Variants in MMS19 observed in about 807,000 individuals in gnomAD.
MMS19 encodes the protein MMS19 cytosolic iron-sulfur assembly component.
MMS19 carries 77 observed loss-of-function variants against 129.8 expected under a neutral mutation model. That is an observed-to-expected ratio of 0.59 (90% CI 0.49 to 0.72). The LOEUF (loss-of-function observed/expected upper bound fraction) is 0.72, where lower values mean the gene tolerates loss of function less well. Among genes scored for constraint, MMS19 ranks in the 30% least tolerant of loss-of-function variants. The pLI, the probability that MMS19 is intolerant of heterozygous loss-of-function variation, is 0.00. For synonymous variants in MMS19, 491 were observed against 502.8 expected (o/e 0.98, Z 0.31); for missense variants, 1,168 against 1,266.3 (o/e 0.92, Z 1.18).
At chr10:97,470,710 T>C in intron 9 of MMS19, 65 bp downstream of exon 9, 1 of 1,024,504 alleles carries the variant, frequency 9.8e-7, no homozygotes. Flanking sequence ...TCCATGCTTT[T>C]ACTGCTCTTT....
At chr10:97,483,413 A>T (rs2037252281) in intron 2 of MMS19, among the ~76,000 whole-genome samples, 1 of 152,178 alleles carries the variant, frequency 6.6e-6, no homozygotes, top group Admixed American at 6.5e-5. Context: ...AGAAAGGTCA[A>T]ATAGTCTGTT....
chr10:97,458,754 T>C, intron 30 of MMS19, 35 bp from the exon 31 acceptor site: 1 of 1,613,188 alleles, frequency 6.2e-7, no homozygotes, highest in Non-Finnish European at 8.5e-7. Context: ...GCATTAGTGA[T>C]GAGGCTCATC....
upstream of MMS19, chr10:97,498,675 G>A (rs2040255459): frequency 6.6e-6 from 3 of 453,706 alleles, no homozygotes; most frequent in Non-Finnish European, 1.2e-5. Context: ...CTGGCTGGGT[G>A]GGGAGAGGGG....
rs1373860645 is a variant in MMS19 at position 97,477,397 on chromosome 10, C to T, written c.443G>A (p.Arg148Gln). Residue 148 changes from arginine to glutamine, a missense_variant, in exon 6 of 31, where the codon CGA becomes CAA. By Grantham distance (43) the Arg-to-Gln change is conservative. Transcript: ENST00000438925. ...GGTGATGATATTGTAGACTGTGTGTCGGTCCACCTGTGGCAGGGACTTGGG... is the reference window on the plus strand; with the variant it reads ...GGTGATGATATTGTAGACTGTGTGTTGGTCCACCTGTGGCAGGGACTTGGG... ...VHVQSLPQVD[R>Q]HTVYNIITNF... is the part of the protein sequence containing the mutation. The T allele has an allele frequency of 4.3e-6, 7 of 1,613,822 alleles. No individual in the cohort carries two copies. The highest frequency in any genetic ancestry group is 2.2e-5 in the East Asian group (1 of 44,888).
Position 97,481,048 on chromosome 10 carries a change from G to C in MMS19, c.162-6C>G. The C allele has an allele frequency of 6.5e-7, 1 of 1,539,490 alleles. No homozygotes were observed. Among genetic ancestry groups the C allele is most frequent in the Non-Finnish European group, 8.9e-7 (1 of 1,117,762 alleles). ...CTGGATTCTCTAGAGAGGACCTAGG[G>C]GAAAACAGGATAGAGAGAACCTGCA... On this transcript the variant is annotated splice_region_variant and splice_polypyrimidine_tract_variant and intron_variant, in intron 2 of 30. Coordinates refer to ENST00000438925, the MANE Select transcript of MMS19 (RefSeq NM_022362.5).
chr10:97,465,679 A>ATTTTTTTTT, intron 18 of MMS19, 126 bp downstream of exon 18: 1 of 860,420 alleles, frequency 1.2e-6, no homozygotes, highest in Non-Finnish European at 1.7e-6. Flanking sequence ...AGGCATCAGT[A>ATTTTTTTTT]TTTTTTTTTT....
chr10:97,481,538 C>G (rs1364443260), intron 2 of MMS19, among the ~76,000 whole-genome samples: 1 of 151,916 alleles, frequency 6.6e-6, no homozygotes, highest in Non-Finnish European at 1.5e-5. Context: ...TAAAAGAAAA[C>G]ATGAAAAACC....
Position 97,461,997 on chromosome 10 carries a change from G to T in MMS19, c.2115+20C>A, listed in dbSNP as rs1564621475. On this transcript the variant is annotated intron_variant, in intron 21 of 30. Coordinates refer to ENST00000438925, the MANE Select transcript of MMS19 (RefSeq NM_022362.5). The stretch of plus-strand genomic sequence containing the variant: ...CTAAAAAAAAACCAGCTTGAAGGAT[G>T]TAAGTTCTAAGACTGTTACCTGGAA... The T allele has an allele frequency of 1.3e-6, 2 of 1,575,140 alleles. No individual in the cohort carries two copies. Among genetic ancestry groups the T allele is most frequent in the Non-Finnish European group, 1.7e-6 (2 of 1,159,584 alleles).
rs374924731 is a variant in MMS19 at position 97,458,650 on chromosome 10, C to T, written c.*42G>A. 18 of 1,573,432 alleles carry T rather than the reference C, an allele frequency of 1.1e-5. 1 individual carries two copies. The African/African-American group carries it at 1.8e-4, about 15-fold the overall frequency. On this transcript the variant is annotated 3_prime_UTR_variant, in exon 31 of 31. Transcript: ENST00000438925. ...GAAGATGGCTCAACAGTTAGTAATC[C>T]CAGGTTAGATTGTCAGAACAGTCTA...
chr10:97,486,678 C>T (rs1048295428), intron 1 of MMS19, among the ~76,000 whole-genome samples: 2 of 151,548 alleles, frequency 1.3e-5, no homozygotes, highest in Non-Finnish European at 2.9e-5. Context: ...TTGGTAAAAG[C>T]GTTTTTTAAA....
Position 97,466,053 on chromosome 10 carries a change from A to G in MMS19, c.1606+6T>C, listed in dbSNP as rs2033410727. On this transcript the variant is annotated splice_donor_region_variant and intron_variant, in intron 17 of 30. Coordinates refer to ENST00000438925, the MANE Select transcript of MMS19 (RefSeq NM_022362.5). ...GGATGGGCCACAGAGGATTAGAGAC[A>G]CATACCTACACGCAGCTCCTCAGCG... 1 of 1,613,716 alleles carries G rather than the reference A, an allele frequency of 6.2e-7. No homozygotes were observed. The highest frequency in any genetic ancestry group is 8.5e-7 in the Non-Finnish European group (1 of 1,179,690).
upstream of MMS19, chr10:97,498,748 C>T: frequency 3.4e-6 from 1 of 297,994 alleles, no homozygotes; most frequent in Non-Finnish European, 6.3e-6. Context: ...GCGGTGCTGT[C>T]GGTCACATGC....
At chr10:97,478,247 G>A (rs761549210) in intron 4 of MMS19, 57 bp downstream of exon 4, 11 of 1,382,640 alleles carry the variant, frequency 8.0e-6, no homozygotes, top group Admixed American at 3.9e-5. Context: ...CGCAAGGAGA[G>A]AACTAGACAA....
In MMS19 at chr10:97,480,981, C is replaced by A. The variant is rs900846217; in HGVS notation, c.223G>T (p.Val75Leu). 2.5e-6 allele frequency: 4 copies of A among 1,610,196 alleles called. No homozygotes were observed. The highest frequency in any genetic ancestry group is 1.7e-5 in the Admixed American group (1 of 59,576). The part of the protein sequence containing the change: ...RARAIQLLSQ[V>L]LLHCHTLLLE... The stretch of plus-strand genomic sequence containing the variant: ...AGCAAGGTGTGACAGTGGAGTAGCA[C>A]CTGTGACAAAAGCTGGATTGCTCGT... The change falls in exon 3 of 31, where the codon GTG becomes TTG. Residue 75 changes from valine (V) to leucine (L), a missense_variant. Transcript: ENST00000438925.
At chr10:97,471,421 A>G (rs927947524) in intron 8 of MMS19, among the ~76,000 whole-genome samples, 6 of 152,172 alleles carry the variant, frequency 3.9e-5, no homozygotes, top group African/African-American at 1.4e-4. Context: ...TTTCTGTACC[A>G]AGACGACAGA....
intron 20 of MMS19, 97 bp downstream of exon 20, chr10:97,462,486 A>G: frequency 1.2e-6 from 1 of 819,184 alleles, no homozygotes; most frequent in Non-Finnish European, 2.1e-6. Flanking sequence ...ATTTACATAT[A>G]GGTAAAAGGA....
rs751925259 is a variant in MMS19 at position 97,469,082 on chromosome 10, C to A, written c.947G>T (p.Arg316Leu). ...RREVFQTASE[R>L]VEAEGLAALH... Reference sequence around the variant, plus strand: ...GGCCGCCAGGCCCTCTGCCTCCACCCGCTCACTTGCCGTCTGGAACACCTG... The same window carrying A: ...GGCCGCCAGGCCCTCTGCCTCCACCAGCTCACTTGCCGTCTGGAACACCTG... Residue 316 changes from arginine (R) to leucine (L), a missense_variant, in exon 12 of 31, where the codon CGG becomes CTG. Around this residue, in one of 3 missense-constraint regions of MMS19, gnomAD observed 831 missense variants for 910.8 expected, o/e 0.91. Coordinates refer to ENST00000438925, the MANE Select transcript of MMS19 (RefSeq NM_022362.5). 1.3e-6 allele frequency: 2 copies of A among 1,580,514 alleles called. No individual in the cohort carries two copies. Among genetic ancestry groups the A allele is most frequent in the East Asian group, 2.3e-5 (1 of 43,244 alleles).
Position 97,459,270 on chromosome 10 carries a change from C to A in MMS19, c.2917G>T (p.Ala973Ser). ...AGAGCATGCATGCACTGCAGTGCGGCGATCCGGACAGCCTGGAACACAACC... is the reference window on the plus strand; with the variant it reads ...AGAGCATGCATGCACTGCAGTGCGGAGATCCGGACAGCCTGGAACACAACC... ...SSSPSMAVRI[A>S]ALQCMHALTR... Residue 973 changes from alanine to serine, a missense_variant, in exon 29 of 31, where the codon GCC becomes TCC. This residue lies in a region of MMS19 where 831 missense variants were observed against 910.8 expected (regional missense o/e 0.91). Coordinates refer to ENST00000438925, the MANE Select transcript of MMS19 (RefSeq NM_022362.5). 1.9e-6 allele frequency: 3 copies of A among 1,613,060 alleles called. No individual in the cohort carries two copies. Among genetic ancestry groups the A allele is most frequent in the Non-Finnish European group, 1.7e-6 (2 of 1,179,462 alleles).
chr10:97,482,726 G>GTA (rs1405957328), intron 2 of MMS19, among the ~76,000 whole-genome samples: 23 of 104,834 alleles, frequency 2.2e-4, no homozygotes, highest in East Asian at 2.8e-4. Flanking sequence ...GTGTGTGTGT[G>GTA]TGTATATATA....
Sources: gnomAD v4.1 joint callset for allele counts (sites outside exome capture counted in the v4.1 genomes callset) on GRCh38, gnomAD v4.1.1 for gene constraint, gnomAD v4.1.1 regional missense constraint, MANE v1.5 for transcripts, NCBI Gene and HGNC (gene_info 2026-07-23, HGNC 2026-07-21) for gene names.